The following EMILIN2 variants were observed in gnomAD, a reference collection of about 807,000 sequenced individuals.
The protein encoded by EMILIN2 is elastin microfibril interfacer 2.
A neutral mutation model predicts 87.1 loss-of-function variants in EMILIN2; 71 were observed. The ratio of observed to expected loss-of-function variants is 0.82; its 90% confidence interval spans 0.67 to 0.99. EMILIN2 has a LOEUF of 0.99. Ranked by LOEUF, EMILIN2 falls within the 50% of genes least tolerant of loss-of-function variation. EMILIN2 has a pLI of 0.00. For synonymous variants in EMILIN2, 581 were observed against 563.4 expected, an observed-to-expected ratio of 1.03 and a Z score of -0.44; for missense variants, 1,407 against 1,371.8, an observed-to-expected ratio of 1.03 and a Z score of -0.40.
chr18:2,900,030 C>T (rs11080995), intron 4 of EMILIN2, among the ~76,000 whole-genome samples: 117,549 of 152,096 alleles, frequency 0.77, 45,459 homozygotes, highest in East Asian at 0.86. Flanking sequence ...CCCTATCCCA[C>T]GAGTTTCACC....
At chr18:2,879,215 C>T (rs1258047647) in intron 2 of EMILIN2, among the ~76,000 whole-genome samples, 2 of 152,178 alleles carry the variant, frequency 1.3e-5, no homozygotes, top group East Asian at 1.9e-4. Flanking sequence ...GAATCCCCAG[C>T]GCAGCCCTGT....
chr18:2,911,737 G>A (rs2076941671), intron 7 of EMILIN2, among the ~76,000 whole-genome samples: 1 of 152,220 alleles, frequency 6.6e-6, no homozygotes, highest in South Asian at 2.1e-4. Flanking sequence ...GGTGCTTGCA[G>A]GCAGGGACTG....
chr18:2,911,061 A>G (rs1000436266), intron 7 of EMILIN2, among the ~76,000 whole-genome samples: 11 of 152,142 alleles, frequency 7.2e-5, no homozygotes, highest in Non-Finnish European at 1.3e-4. Context: ...TCCTCAGAAG[A>G]AAGAATTTGA....
At chr18:2,883,831 G>C (rs973176171) in intron 2 of EMILIN2, among the ~76,000 whole-genome samples, 2 of 152,254 alleles carry the variant, frequency 1.3e-5, no homozygotes, top group Non-Finnish European at 2.9e-5. Context: ...GTAAAAAGTG[G>C]ACACAAATAG....
chr18:2,847,897 G>A lies in EMILIN2; in HGVS notation c.223G>A (p.Ala75Thr), dbSNP rs2076583771. ...ESFIQAQYNC[A>T]WNQMPCPSAL... ...TTTTATTCAGGCTCAGTACAACTGT[G>A]CCTGGAACCAGATGCCCTGTCCGTC... Residue 75 changes from alanine to threonine, a missense_variant, in exon 2 of 8, where the codon GCC becomes ACC. Coordinates refer to ENST00000254528, the MANE Select transcript of EMILIN2 (RefSeq NM_032048.3). The surrounding 1 kb of genome is among the most constrained non-coding windows in gnomAD (Gnocchi z 4.5). 2 of 1,612,954 alleles carry A rather than the reference G, an allele frequency of 1.2e-6. No individual in the cohort carries two copies. The highest frequency in any genetic ancestry group is 2.2e-5 in the South Asian group (2 of 91,066).
intron 2 of EMILIN2, among the ~76,000 whole-genome samples, chr18:2,868,228 A>G (rs1179827695): frequency 6.6e-6 from 1 of 151,260 alleles, no homozygotes; most frequent in African/African-American, 2.4e-5. Context: ...CGCTCCCCAC[A>G]TCTCAGACGA....
chr18:2,846,760 G>T (rs55946796), upstream of EMILIN2: 13,797 of 985,378 alleles, frequency 0.014, 100 homozygotes, highest in Non-Finnish European at 0.016. The surrounding 1 kb of genome is among the most constrained non-coding windows in gnomAD (Gnocchi z 5.3). Flanking sequence ...AGGCGGAGTC[G>T]CTCGGCATCT....
chr18:2,892,050 T>C lies in EMILIN2; in HGVS notation c.1923T>C (p.Gly641=), dbSNP rs2076840653. 6.2e-7 allele frequency: 1 copy of C among 1,613,938 alleles called. No homozygotes were observed. Among genetic ancestry groups the C allele is most frequent in the African/African-American group, 1.3e-5 (1 of 74,878 alleles). ...NCRAGENAGM[G]RFTKVGEQER... is the part of the protein sequence containing the mutation. ...GAGCAGGTGAAAACGCTGGCATGGG[T>C]AGGTTCACTAAGGTGGGTGAGCAAG... Residue 641 remains glycine (G), a synonymous_variant, in exon 4 of 8, where the codon GGT becomes GGC. Coordinates refer to ENST00000254528, the MANE Select transcript of EMILIN2 (RefSeq NM_032048.3).
intron 2 of EMILIN2, among the ~76,000 whole-genome samples, chr18:2,869,686 G>A (rs1041320654): frequency 2.6e-5 from 4 of 151,866 alleles, no homozygotes; most frequent in African/African-American, 9.7e-5. Context: ...TCCCACCTCA[G>A]CCTCCTGAGT....
Position 2,914,171 on chromosome 18 carries a change from A to G in EMILIN2, c.*767A>G, listed in dbSNP as rs575336029. The stretch of plus-strand genomic sequence containing the variant: ...TTTTGTTTCAAAAAGGGCTACAGAA[A>G]GTAACCTTGAGTAAAATTAATCTCA... On this transcript the variant is annotated 3_prime_UTR_variant, in exon 8 of 8. Transcript: ENST00000254528. 6.6e-6 allele frequency: 1 copy of G among 152,552 alleles called. No individual in the cohort carries two copies. Among genetic ancestry groups the G allele is most frequent in the Non-Finnish European group, 1.5e-5 (1 of 68,044 alleles). 9.4% of individuals were successfully genotyped at this position (152,552 alleles called of 1,614,324 possible).
At chr18:2,850,044 A>T (rs1353658063) in intron 2 of EMILIN2, among the ~76,000 whole-genome samples, 1 of 151,406 alleles carries the variant, frequency 6.6e-6, no homozygotes, top group Non-Finnish European at 1.5e-5. Flanking sequence ...CTCATTCCTC[A>T]GCCTCCCGAG....
intron 2 of EMILIN2, among the ~76,000 whole-genome samples, chr18:2,867,488 G>T (rs1229210425): frequency 6.6e-6 from 1 of 152,176 alleles, no homozygotes; most frequent in Non-Finnish European, 1.5e-5. Context: ...CTAGGCAGAG[G>T]ACCCTGCGGC....
At chr18:2,895,498 A>G (rs1456917272) in intron 4 of EMILIN2, among the ~76,000 whole-genome samples, 1 of 152,092 alleles carries the variant, frequency 6.6e-6, no homozygotes, top group Non-Finnish European at 1.5e-5. Context: ...TAGGTCAGGA[A>G]CCCCGGCAGG....
At chr18:2,909,334 C>T (rs2076929822) in intron 6 of EMILIN2, among the ~76,000 whole-genome samples, 1 of 152,220 alleles carries the variant, frequency 6.6e-6, no homozygotes, top group African/African-American at 2.4e-5. Context: ...GAAGCAGCTC[C>T]CTAGATGATG....
chr18:2,897,479 C>T (rs895259907), intron 4 of EMILIN2, among the ~76,000 whole-genome samples: 2 of 152,292 alleles, frequency 1.3e-5, no homozygotes, highest in South Asian at 2.1e-4. Flanking sequence ...CTGGTGGCTC[C>T]GGTGATGCTG....
In EMILIN2 at chr18:2,847,305, G is replaced by A. The variant is rs1330859554; in HGVS notation, c.117G>A (p.Arg39=). The A allele has an allele frequency of 9.1e-6, 12 of 1,318,452 alleles. No homozygotes were observed. Among genetic ancestry groups the A allele is most frequent in the African/African-American group, 1.5e-5 (1 of 64,574 alleles). The allele number at this position is 1,318,452 out of a possible 1,614,324, so 81.7% of individuals were successfully genotyped here. ...HAGPQPGYPA[R]PSARNKNWCA... ...GCCCGCAGCCCGGGTATCCCGCGCG[G>A]CCCAGCGCCAGGAACAAGTAAGTGC... Residue 39 remains arginine (R), a synonymous_variant, in exon 1 of 8, where the codon CGG becomes CGA. Coordinates refer to ENST00000254528, the MANE Select transcript of EMILIN2 (RefSeq NM_032048.3). The surrounding 1 kb of genome is among the most constrained non-coding windows in gnomAD (Gnocchi z 4.5).
At chr18:2,872,116 A>G (rs1323387045) in intron 2 of EMILIN2, among the ~76,000 whole-genome samples, 1 of 152,218 alleles carries the variant, frequency 6.6e-6, no homozygotes, top group Admixed American at 6.5e-5. Context: ...TATAGTTTCC[A>G]TATCAGTATA....
chr18:2,867,230 C>G (rs2076690831), intron 2 of EMILIN2, among the ~76,000 whole-genome samples: 1 of 152,028 alleles, frequency 6.6e-6, no homozygotes, highest in South Asian at 2.1e-4. Context: ...AGGGAGGATT[C>G]TCTCTTTCTC....
At chr18:2,909,006 G>C (rs2076928176) in intron 6 of EMILIN2, 31 bp downstream of exon 6, 3 of 1,612,658 alleles carry the variant, frequency 1.9e-6, no homozygotes, top group Non-Finnish European at 2.5e-6. Flanking sequence ...GGAGCAGGAG[G>C]AGCGGTCTCC....
Sources: allele counts gnomAD v4.1 joint callset (sites outside exome capture counted in the v4.1 genomes callset), GRCh38; gene constraint gnomAD v4.1.1; non-coding constraint Gnocchi (gnomAD v3.1); transcripts MANE v1.5; gene names NCBI Gene and HGNC (gene_info 2026-07-23, HGNC 2026-07-21).